Variants in ELK3 observed in about 807,000 individuals in gnomAD.
ELK3 encodes ETS transcription factor ELK3.
Under a neutral mutation model 28.9 loss-of-function variants are expected in ELK3, and 10 were observed. The observed-to-expected ratio is 0.35, with a 90% CI of 0.21 to 0.59. The LOEUF is 0.59. Among genes scored for constraint, ELK3 ranks in the 20% least tolerant of loss-of-function variants. The probability of loss-of-function intolerance (pLI) is 0.82; values close to 1 mark genes in which losing one functional copy is unlikely to be tolerated. For synonymous variants in ELK3, 272 were observed against 243.5 expected (o/e 1.12, Z -1.09); for missense variants, 463 against 517.3 (o/e 0.90, Z 1.02).
chr12:96,228,333 G>A (rs1347125162), intron 2 of ELK3, among the ~76,000 whole-genome samples: 9 of 144,728 alleles, frequency 6.2e-5, no homozygotes. Context: ...CAGGAGAATC[G>A]CTTGAACCCG....
rs1592677257 is a variant in ELK3 at position 96,223,430 on chromosome 12, GA to G, written c.-2-132del. The G allele has an allele frequency of 9.0e-6, 7 of 778,768 alleles. No individual in the cohort carries two copies. The East Asian group carries it at 1.9e-4, about 21-fold the overall frequency. 48.2% of individuals were successfully genotyped at this position (778,768 alleles called of 1,614,324 possible). On this transcript the variant is annotated intron_variant, in intron 1 of 4. Transcript: ENST00000228741. ...CAGAGTGGCCCCTTGAGATGGAAGT[GA>G]AAGCTACTTTTTATTAGGTTCACTG...
chr12:96,220,002 C>T (rs1242908413), intron 1 of ELK3, among the ~76,000 whole-genome samples: 1 of 152,148 alleles, frequency 6.6e-6, no homozygotes, highest in Non-Finnish European at 1.5e-5. Context: ...AGCAGTGTTG[C>T]GCATAGCAAC....
At chr12:96,217,432 T>C (rs1488335881) in intron 1 of ELK3, among the ~76,000 whole-genome samples, 1 of 152,210 alleles carries the variant, frequency 6.6e-6, no homozygotes, top group African/African-American at 2.4e-5. Flanking sequence ...TGCCATTGAC[T>C]CCCACCCCTA....
chr12:96,220,198 C>T (rs1258650482), intron 1 of ELK3, among the ~76,000 whole-genome samples: 4 of 152,064 alleles, frequency 2.6e-5, no homozygotes, highest in Non-Finnish European at 1.5e-5. Context: ...CACCACTGCT[C>T]CTCTGCCTGT....
intron 1 of ELK3, among the ~76,000 whole-genome samples, chr12:96,221,368 G>A (rs1951660388): frequency 6.6e-6 from 1 of 152,204 alleles, no homozygotes; most frequent in South Asian, 2.1e-4. Context: ...GTCCCATTCG[G>A]AACGTGATGT....
At chr12:96,201,847 G>GAATA (rs1951509908) in intron 1 of ELK3, among the ~76,000 whole-genome samples, 1 of 152,128 alleles carries the variant, frequency 6.6e-6, no homozygotes, top group Non-Finnish European at 1.5e-5. Flanking sequence ...GCCCCTTATT[G>GAATA]AATAAGGAAC....
chr12:96,245,999 C>T (rs1220740903), intron 2 of ELK3, among the ~76,000 whole-genome samples: 4 of 152,094 alleles, frequency 2.6e-5, no homozygotes, highest in Non-Finnish European at 5.9e-5. Flanking sequence ...CGTTTTCCTT[C>T]CAGTGGCTTT....
intron 3 of ELK3, among the ~76,000 whole-genome samples, chr12:96,249,512 A>G (rs573710364): frequency 6.6e-6 from 1 of 152,334 alleles, no homozygotes; most frequent in African/African-American, 2.4e-5. Context: ...TGGCTCAGAA[A>G]CAGCAGCTCC....
intron 1 of ELK3, among the ~76,000 whole-genome samples, chr12:96,201,546 A>G (rs900128260): frequency 7.1e-6 from 1 of 141,300 alleles, no homozygotes; most frequent in Middle Eastern, 3.8e-3. Flanking sequence ...GCGCCACTAC[A>G]CTCCAGCCTG....
Position 96,264,155 on chromosome 12 carries a change from G to A in ELK3, c.1126-2927G>A, listed in dbSNP as rs1952013046. On this transcript the variant is annotated intron_variant, in intron 4 of 4. Transcript: ENST00000228741. ...ATGCCACCAAGCCTGGCTAAGTTTT[G>A]AAATTTTTTTGTAGAAACGAGGTCT... Among the ~76,000 whole-genome samples, 10 of 152,114 alleles carry A rather than the reference G, an allele frequency of 6.6e-5. No homozygotes were observed. The South Asian group carries it at 2.1e-3, about 32-fold the overall frequency.
intron 2 of ELK3, among the ~76,000 whole-genome samples, chr12:96,227,898 T>C (rs532505333): frequency 2.1e-4 from 32 of 152,304 alleles, no homozygotes; most frequent in African/African-American, 7.5e-4. Flanking sequence ...TGTTCACACG[T>C]GTGCAGGGCT....
At chr12:96,199,016 G>C (rs1216935120) in intron 1 of ELK3, among the ~76,000 whole-genome samples, 1 of 152,146 alleles carries the variant, frequency 6.6e-6, no homozygotes, top group African/African-American at 2.4e-5. Flanking sequence ...TGTGGTTCAA[G>C]TAATGTTCTA....
intron 2 of ELK3, among the ~76,000 whole-genome samples, chr12:96,237,390 G>T (rs1160588322): frequency 6.7e-6 from 1 of 149,968 alleles, no homozygotes; most frequent in Non-Finnish European, 1.5e-5. Context: ...ATGCTCTTTA[G>T]TGGGGGTGGG....
intron 2 of ELK3, among the ~76,000 whole-genome samples, chr12:96,235,920 T>G (rs1003514036): frequency 2.6e-5 from 4 of 152,140 alleles, no homozygotes; most frequent in African/African-American, 9.7e-5. Flanking sequence ...CTCTACCTCC[T>G]GGGTTCGAGC....
In ELK3 at chr12:96,265,930, T is replaced by TACCC. The variant is rs574643130; in HGVS notation, c.1126-1151_1126-1148dup. Among the ~76,000 whole-genome samples the TACCC allele has an allele frequency of 7.9e-5, 12 of 152,320 alleles. No homozygotes were observed. The East Asian group carries it at 2.1e-3, about 27-fold the overall frequency. Reference sequence around the variant, plus strand: ...AAGAAATTAAAACAGTAATTAAAGATACCCCCTAACTCCTACCAAAATAAA... The same window carrying TACCC: ...AAGAAATTAAAACAGTAATTAAAGATACCCACCCCCTAACTCCTACCAAAATAAA... On this transcript the variant is annotated intron_variant, in intron 4 of 4. Coordinates refer to ENST00000228741, the MANE Select transcript of ELK3 (RefSeq NM_005230.4).
intron 1 of ELK3, among the ~76,000 whole-genome samples, chr12:96,215,168 C>G (rs556691098): frequency 6.7e-6 from 1 of 149,892 alleles, no homozygotes; most frequent in Non-Finnish European, 1.5e-5. Flanking sequence ...TTAAGAAAAT[C>G]AAAGCTAATT....
chr12:96,237,614 T>C (rs1951793818), intron 2 of ELK3, among the ~76,000 whole-genome samples: 1 of 152,212 alleles, frequency 6.6e-6, no homozygotes, highest in African/African-American at 2.4e-5. Context: ...TAGGAGAGTG[T>C]GTATTCAGTG....
chr12:96,197,208 T>G (rs755117114), intron 1 of ELK3, among the ~76,000 whole-genome samples: 1 of 152,174 alleles, frequency 6.6e-6, no homozygotes, highest in African/African-American at 2.4e-5. Context: ...ATAGGTTCAT[T>G]TACGTTAGTG....
At chr12:96,203,618 T>G (rs1266606028) in intron 1 of ELK3, among the ~76,000 whole-genome samples, 3 of 152,182 alleles carry the variant, frequency 2.0e-5, no homozygotes, top group African/African-American at 7.2e-5. Context: ...AATGAGTTAC[T>G]TGGATGAATA....
Sources: gnomAD v4.1 joint callset for allele counts (sites outside exome capture counted in the v4.1 genomes callset) on GRCh38, gnomAD v4.1.1 for gene constraint, MANE v1.5 for transcripts, NCBI Gene and HGNC (gene_info 2026-07-23, HGNC 2026-07-21) for gene names.